Variants in CSF2RA observed in about 807,000 individuals in gnomAD.
CSF2RA encodes granulocyte-macrophage colony-stimulating factor receptor subunit alpha.
A neutral mutation model predicts 51.6 loss-of-function variants in CSF2RA; 42 were observed. That is an observed-to-expected ratio of 0.81 (90% CI 0.64 to 1.05). CSF2RA has a LOEUF of 1.05. Ranked by LOEUF, CSF2RA falls within the 50% of genes least tolerant of loss-of-function variation. CSF2RA has a pLI of 0.00. For missense variants in CSF2RA, 530 were observed against 501.1 expected (o/e 1.06, Z -0.55); for synonymous variants, 222 against 193.0 (o/e 1.15, Z -1.24).
chrX:1,316,251 TTAGATAGATGATAGATAGA>T, the CSF2RA span, among the ~76,000 whole-genome samples: 1 of 140,152 alleles, frequency 7.1e-6, no homozygotes, highest in Admixed American at 7.4e-5. Context: ...AGATGATAGA[TTAGATAGATGATAGATAGA>T]TAGATAGATA....
the CSF2RA span, among the ~76,000 whole-genome samples, chrX:1,323,841 C>T: frequency 8.8e-3 from 1,332 of 151,790 alleles, 17 homozygotes; most frequent in African/African-American, 0.03. Context: ...GGTGAAACCC[C>T]GTCTCTAATA....
At position 1,274,817 on chromosome X, in the gene CSF2RA, C is replaced by T. The variant is rs1242667975; in HGVS notation, c.-28C>T. On this transcript the variant is annotated splice_region_variant and 5_prime_UTR_variant, in exon 2 of 13. Transcript: ENST00000381529. The stretch of plus-strand genomic sequence containing the variant: ...GAAGCGGCGATGTTTGCGTAGAACC[C>T]TGTACGTGCTTCCTTCGGCCTGTCG... The T allele has an allele frequency of 1.5e-5, 7 of 453,372 alleles. No individual in the cohort carries two copies. In the Admixed American group the frequency reaches 1.7e-4, roughly 11 times the overall value. 28.1% of individuals were successfully genotyped at this position (453,372 alleles called of 1,614,324 possible). A position where few individuals can be genotyped will look rare whatever the true frequency, so the allele number is the denominator to read the frequency against.
rs1231620058 is a variant in CSF2RA at position 1,301,089 on chromosome X, G to A, written c.946+463G>A. ...AATCACTTGAACCCAGGAGGCGGAGGTTGCACTGAGCTGGGATCACGCCAT... is the reference window on the plus strand; with the variant it reads ...AATCACTTGAACCCAGGAGGCGGAGATTGCACTGAGCTGGGATCACGCCAT... On this transcript the variant is annotated intron_variant, in intron 10 of 12. Transcript: ENST00000381529. Among the ~76,000 whole-genome samples the A allele has an allele frequency of 2.0e-5, 3 of 151,676 alleles. No homozygotes were observed. The South Asian group carries it at 6.3e-4, about 32-fold the overall frequency.
At chrX:1,321,189 G>T in the CSF2RA span, among the ~76,000 whole-genome samples, 7 of 152,116 alleles carry the variant, frequency 4.6e-5, no homozygotes, top group South Asian at 6.2e-4. Flanking sequence ...GCAGACAGAG[G>T]CCGGGCACGG....
chrX:1,317,793 G>A, the CSF2RA span, among the ~76,000 whole-genome samples: 1 of 151,304 alleles, frequency 6.6e-6, no homozygotes, highest in Non-Finnish European at 1.5e-5. Context: ...CTCCTGGAGT[G>A]GGAAAAGAGG....
rs1318340896 is a variant in CSF2RA at position 1,309,404 on chromosome X, C to T, written c.1128C>T (p.Ile376=). The T allele has an allele frequency of 6.2e-7, 1 of 1,613,916 alleles. No individual in the cohort carries two copies. Among genetic ancestry groups the T allele is most frequent in the South Asian group, 1.1e-5 (1 of 91,074 alleles). The part of the protein sequence containing the change: ...LNDNHEVEDE[I]IWEEFTPEEG... ...GCCTGAACCCTCCTTTTTCTCAGAT[C>T]ATCTGGGAGGAATTCACCCCAGAGG... Residue 376 remains isoleucine, a splice_region_variant and synonymous_variant, in exon 13 of 13, where the codon ATC becomes ATT. Transcript: ENST00000381529.
In CSF2RA at chrX:1,288,621, A is replaced by C. The variant is rs2091038660; in HGVS notation, c.322A>C (p.Lys108Gln). 6.2e-7 allele frequency: 1 copy of C among 1,613,892 alleles called. No individual in the cohort carries two copies. The highest frequency in any genetic ancestry group is 8.5e-7 in the Non-Finnish European group (1 of 1,179,876). Residue 108 changes from lysine to glutamine, a missense_variant, in exon 5 of 13, where the codon AAA becomes CAA. Lys to Gln is a moderately conservative substitution (Grantham distance 53). Coordinates refer to ENST00000381529, the MANE Select transcript of CSF2RA (RefSeq NM_172245.4). ...VNTSQRGFQQ[K>Q]LLYPNSGREG... ...TACTAGTCAAAGAGGATTTCAACAG[A>C]AACTGCTTTATCCAAATTCAGGTAA...
At chrX:1,315,724 T>TAG in the CSF2RA span, among the ~76,000 whole-genome samples, 1 of 151,908 alleles carries the variant, frequency 6.6e-6, no homozygotes, top group Non-Finnish European at 1.5e-5. Context: ...GAATTTTAGA[T>TAG]AGATGATAGA....
At chrX:1,279,134 T>A (rs1362496024) in intron 2 of CSF2RA, among the ~76,000 whole-genome samples, 1 of 149,580 alleles carries the variant, frequency 6.7e-6, no homozygotes, top group Admixed American at 6.8e-5. Context: ...GGGGATTACT[T>A]GAGATCAGGA....
downstream of CSF2RA, among the ~76,000 whole-genome samples, chrX:1,314,587 ACT>A (rs2084421207): frequency 2.1e-4 from 9 of 42,006 alleles, no homozygotes; most frequent in African/African-American, 3.9e-4. Context: ...GCCCAACCCC[ACT>A]GCACCTGCCC....
chrX:1,294,337 A>G lies in CSF2RA; in HGVS notation c.656A>G (p.Asn219Ser), dbSNP rs2091708943. 1.9e-6 allele frequency: 3 copies of G among 1,613,220 alleles called. No individual in the cohort carries two copies. In the East Asian group the frequency reaches 6.7e-5, roughly 36 times the overall value. The change falls in exon 8 of 13, where the codon AAC (asparagine) becomes AGC (serine). Residue 219 changes from asparagine (N) to serine (S), a missense_variant. Physicochemically the swap from Asn to Ser is conservative, Grantham distance 46. Transcript: ENST00000381529. ...LLDTKKIERF[N>S]PPSNVTVRCN... ...TGCGCCCTCGTTACAGAACGATTCAACCCTCCCAGCAATGTCACCGTACGT... is the reference window on the plus strand; with the variant it reads ...TGCGCCCTCGTTACAGAACGATTCAGCCCTCCCAGCAATGTCACCGTACGT...
In CSF2RA at chrX:1,285,828, A is replaced by G. The variant is rs1289323595; in HGVS notation, c.127A>G (p.Arg43Gly). 1 of 1,613,460 alleles carries G rather than the reference A, an allele frequency of 6.2e-7. No homozygotes were observed. The highest frequency in any genetic ancestry group is 1.3e-5 in the African/African-American group (1 of 74,814). Residue 43 changes from arginine to glycine, a missense_variant, in exon 4 of 13, where the codon AGG becomes GGG. By Grantham distance (125) the Arg-to-Gly change is moderately radical (BLOSUM62 -2). Coordinates refer to ENST00000381529, the MANE Select transcript of CSF2RA (RefSeq NM_172245.4). ...ASSLNVRFDS[R>G]TMNLSWDCQE... ...TAGTCTCAATGTGAGGTTTGACTCC[A>G]GGACGATGAATTTAAGCTGGGACTG... is the stretch of plus-strand genomic sequence containing the variant.
chrX:1,271,332 A>ATTTTTTTT (rs752978804), intron 1 of CSF2RA, among the ~76,000 whole-genome samples: 1 of 14,446 alleles, frequency 6.9e-5, no homozygotes, highest in Non-Finnish European at 1.7e-4. Context: ...TAATTTTTGT[A>ATTTTTTTT]TTTTTTTTTT....
intron 1 of CSF2RA, among the ~76,000 whole-genome samples, chrX:1,271,498 C>T (rs2088420711): frequency 6.7e-6 from 1 of 149,804 alleles, no homozygotes; most frequent in Non-Finnish European, 1.5e-5. Flanking sequence ...TGCCACCATG[C>T]CCAGCTAATT....
At chrX:1,304,077 C>A in intron 11 of CSF2RA, 58 bp downstream of exon 11, 1 of 1,402,468 alleles carries the variant, frequency 7.1e-7, no homozygotes, top group Non-Finnish European at 1.0e-6. Flanking sequence ...GGGAGGAAAG[C>A]GCTTTGTCCA....
the CSF2RA span, among the ~76,000 whole-genome samples, chrX:1,316,831 C>G: frequency 6.6e-6 from 1 of 152,256 alleles, no homozygotes; most frequent in East Asian, 1.9e-4. Flanking sequence ...GCCGACGCCC[C>G]AGACACAGAG....
chrX:1,277,229 C>T (rs1233533236), intron 2 of CSF2RA, among the ~76,000 whole-genome samples: 2 of 152,052 alleles, frequency 1.3e-5, no homozygotes, highest in East Asian at 1.9e-4. Flanking sequence ...AAAGCATAAA[C>T]GAAGGGTGCT....
downstream of CSF2RA, among the ~76,000 whole-genome samples, chrX:1,314,761 GCACC>G: frequency 2.9e-5 from 1 of 34,498 alleles, no homozygotes; most frequent in Non-Finnish European, 5.8e-5. Context: ...CAATCCCACT[GCACC>G]TGCCCAATCC....
At chrX:1,278,148 A>G (rs746503910) in intron 2 of CSF2RA, among the ~76,000 whole-genome samples, 49 of 146,402 alleles carry the variant, frequency 3.3e-4, no homozygotes, top group African/African-American at 1.2e-3. Context: ...AGCCTCGCCA[A>G]CATGGTGAAA....
Sources: gnomAD v4.1 joint callset for allele counts (sites outside exome capture counted in the v4.1 genomes callset) on GRCh38, gnomAD v4.1.1 for gene constraint, MANE v1.5 for transcripts, NCBI Gene and HGNC (gene_info 2026-07-23, HGNC 2026-07-21) for gene names.